The following SNX25 variants were observed in gnomAD, a reference collection of about 807,000 sequenced individuals.
The protein encoded by SNX25 is sorting nexin 25, also known as sorting nexin-25.
SNX25 carries 62 observed loss-of-function variants against 113.7 expected under a neutral mutation model. That is an observed-to-expected ratio of 0.55 (90% CI 0.44 to 0.67). The LOEUF (loss-of-function observed/expected upper bound fraction) is 0.67. Among genes scored for constraint, SNX25 ranks in the 30% least tolerant of loss-of-function variants. The probability of loss-of-function intolerance (pLI) is 0.00; values close to 1 mark genes in which losing one functional copy is unlikely to be tolerated. For synonymous variants in SNX25, 421 were observed against 436.2 expected, an observed-to-expected ratio of 0.97 and a Z score of 0.43; for missense variants, 1,014 against 1,161.0, an observed-to-expected ratio of 0.87 and a Z score of 1.84.
At position 185,320,765 on chromosome 4, in the gene SNX25, G is replaced by T. The variant is rs750788634; in HGVS notation, c.1377G>T (p.Thr459=). The change falls in exon 8 of 19, where the codon ACG becomes ACT. Residue 459 remains threonine (T), a synonymous_variant. Coordinates refer to ENST00000652585, the MANE Select transcript of SNX25 (RefSeq NM_001378034.2). ...ILQFEDILAN[T]FYREHFGMYM... is the part of the protein sequence containing the mutation. ...AGTTTGAAGATATCTTGGCCAATAC[G>T]TTCTACCGAGAGCACTTTGGAATGT... 1.3e-6 allele frequency: 2 copies of T among 1,586,352 alleles called. No homozygotes were observed. The highest frequency in any genetic ancestry group is 1.9e-5 in the Admixed American group (1 of 53,982).
Position 185,267,127 on chromosome 4 carries a change from T to G in SNX25, c.1063T>G (p.Ser355Ala). The part of the protein sequence containing the change: ...EDFIKLINSN[S>A]DVEFLKQLRY... ...CTTCATCAAGCTCATTAACAGCAAC[T>G]CTGATGTGGAGTTCTTGAAGCAACT... Residue 355 changes from serine to alanine, a missense_variant, in exon 5 of 19, where the codon TCT becomes GCT. Transcript: ENST00000652585. 2 of 1,613,738 alleles carry G rather than the reference T, an allele frequency of 1.2e-6. No homozygotes were observed. The highest frequency in any genetic ancestry group is 1.7e-6 in the Non-Finnish European group (2 of 1,179,890).
At chr4:185,365,338 T>C (rs2095383037), downstream of SNX25, 1 of 152,164 alleles carries the variant, frequency 6.6e-6, no homozygotes, top group African/African-American at 2.4e-5. Flanking sequence ...TCTTTTATTA[T>C]GTTCCTATTT....
At position 185,318,045 on chromosome 4, in the gene SNX25, A is replaced by G. The variant is rs1293818883; in HGVS notation, c.1345-2688A>G. On this transcript the variant is annotated intron_variant, in intron 7 of 18. Transcript: ENST00000652585. ...ATACTGCATCATCCTCAGAAAAAAT[A>G]AAAAAGAAAGAAAATGCCTGCCCCC... Among the ~76,000 whole-genome samples, 3 of 150,544 alleles carry G rather than the reference A, an allele frequency of 2.0e-5. No individual in the cohort carries two copies. The East Asian group carries it at 5.8e-4, about 29-fold the overall frequency.
At chr4:185,298,902 C>T (rs1391661278) in intron 6 of SNX25, among the ~76,000 whole-genome samples, 3 of 152,166 alleles carry the variant, frequency 2.0e-5, no homozygotes, top group African/African-American at 7.2e-5. Flanking sequence ...AGAGAATGTA[C>T]TCTGGAGGAA....
At chr4:185,296,606 G>A (rs1382553664) in intron 6 of SNX25, among the ~76,000 whole-genome samples, 1 of 151,600 alleles carries the variant, frequency 6.6e-6, no homozygotes, top group Non-Finnish European at 1.5e-5. Context: ...TTAATTCTGG[G>A]GAAAATAATT....
At chr4:185,295,289 G>A (rs977529613) in intron 6 of SNX25, among the ~76,000 whole-genome samples, 1 of 152,128 alleles carries the variant, frequency 6.6e-6, no homozygotes, top group African/African-American at 2.4e-5. Context: ...TTTTTTATAA[G>A]TGGGAAACTG....
intron 1 of SNX25, among the ~76,000 whole-genome samples, chr4:185,244,290 G>T (rs1407830705): frequency 1.3e-5 from 2 of 152,212 alleles, no homozygotes; most frequent in Non-Finnish European, 2.9e-5. Context: ...ACCGCACCCG[G>T]CCAGGAACTT....
intron 2 of SNX25, among the ~76,000 whole-genome samples, chr4:185,257,887 T>G (rs1746686556): frequency 6.6e-6 from 1 of 152,168 alleles, no homozygotes; most frequent in African/African-American, 2.4e-5. Context: ...TAAGACTGAT[T>G]TATGGGATTC....
intron 6 of SNX25, among the ~76,000 whole-genome samples, chr4:185,306,830 A>T (rs1754533907): frequency 6.6e-6 from 1 of 152,216 alleles, no homozygotes; most frequent in South Asian, 2.1e-4. Context: ...CAATAGACTA[A>T]TTTTGGGGCA....
chr4:185,246,705 A>G (rs1410798481), intron 1 of SNX25, among the ~76,000 whole-genome samples: 5 of 152,230 alleles, frequency 3.3e-5, no homozygotes, highest in South Asian at 4.1e-4. Flanking sequence ...TTTGTATTTT[A>G]GGTAGTCAGA....
downstream of SNX25, chr4:185,373,068 C>T (rs981072796): frequency 1.9e-6 from 3 of 1,604,974 alleles, no homozygotes; most frequent in East Asian, 2.2e-5. Flanking sequence ...CTTCGGAATG[C>T]CAGTAAAATG....
intron 9 of SNX25, among the ~76,000 whole-genome samples, chr4:185,329,253 T>C (rs779112198): frequency 6.6e-6 from 1 of 152,164 alleles, no homozygotes; most frequent in Non-Finnish European, 1.5e-5. Flanking sequence ...TGTGTTGCAA[T>C]GAAAAACCAA....
At chr4:185,367,505 A>G (rs1423332280), downstream of SNX25, among the ~76,000 whole-genome samples, 2 of 152,190 alleles carry the variant, frequency 1.3e-5, no homozygotes, top group Non-Finnish European at 2.9e-5. Flanking sequence ...AGCACCAATG[A>G]TAGCATTGTA....
At position 185,319,273 on chromosome 4, in the gene SNX25, C is replaced by G. The variant is rs1210002966; in HGVS notation, c.1345-1460C>G. On this transcript the variant is annotated intron_variant, in intron 7 of 18. Coordinates refer to ENST00000652585, the MANE Select transcript of SNX25 (RefSeq NM_001378034.2). ...AGTGCAATGGTGCAATCTCAGTTCA[C>G]AACAACCTCTGCCTCCTGGGTTCAA... is the stretch of plus-strand genomic sequence containing the variant. Among the ~76,000 whole-genome samples the G allele has an allele frequency of 2.1e-5, 3 of 143,912 alleles. No individual in the cohort carries two copies. The Admixed American group carries it at 2.1e-4, about 10-fold the overall frequency. 94.4% of individuals were successfully genotyped at this position (143,912 alleles called of 152,430 possible).
intron 7 of SNX25, among the ~76,000 whole-genome samples, chr4:185,319,049 C>T (rs750062348): frequency 4.0e-5 from 6 of 151,424 alleles, no homozygotes; most frequent in Non-Finnish European, 7.4e-5. Context: ...CCATACTCTC[C>T]TCCTTTCCCC....
intron 1 of SNX25, among the ~76,000 whole-genome samples, chr4:185,240,643 C>CT (rs1553988606): frequency 6.8e-6 from 1 of 146,398 alleles, no homozygotes. Flanking sequence ...GCTGGCTGGG[C>CT]GGGGGGCTAA....
Position 185,346,553 on chromosome 4 carries a change from A to T in SNX25, c.2204A>T (p.Lys735Ile). The change falls in exon 13 of 19, where the codon AAA (lysine) becomes ATA (isoleucine). Residue 735 changes from lysine to isoleucine, a missense_variant. Lys to Ile is a moderately radical substitution (Grantham distance 102). Transcript: ENST00000652585. ...CCCCCACAGTGCGTCCCTTCTTTAA[A>T]AAAAGTCCAGTTGCCTTCTCTTAGC... ...RKLSECVPSL[K>I]KVQLPSLSKL... The T allele has an allele frequency of 6.3e-7, 1 of 1,595,062 alleles. No individual in the cohort carries two copies. Among genetic ancestry groups the T allele is most frequent in the African/African-American group, 1.4e-5 (1 of 73,714 alleles).
chr4:185,211,775 G>A (rs1020827182), intron 1 of SNX25, among the ~76,000 whole-genome samples: 11 of 152,132 alleles, frequency 7.2e-5, no homozygotes, highest in African/African-American at 2.7e-4. Context: ...GTAGGTGAGG[G>A]AAGGAAGTTT....
chr4:185,321,716 GCCTT>G (rs1366692513), intron 8 of SNX25, among the ~76,000 whole-genome samples: 3 of 152,114 alleles, frequency 2.0e-5, no homozygotes, highest in Non-Finnish European at 4.4e-5. Context: ...TATACAGTCA[GCCTT>G]CCTTATCTGT....
Sources: allele counts gnomAD v4.1 joint callset (sites outside exome capture counted in the v4.1 genomes callset), GRCh38; gene constraint gnomAD v4.1.1; transcripts MANE v1.5; gene names NCBI Gene and HGNC (gene_info 2026-07-23, HGNC 2026-07-21).